Variants in MAP3K2 observed in about 807,000 individuals in gnomAD.
MAP3K2 encodes the protein mitogen-activated protein kinase kinase kinase 2.
A neutral mutation model predicts 80.3 loss-of-function variants in MAP3K2; 24 were observed. The ratio of observed to expected loss-of-function variants is 0.30; its 90% confidence interval spans 0.22 to 0.42. MAP3K2 has a LOEUF of 0.42. Among genes scored for constraint, MAP3K2 ranks in the 10% least tolerant of loss-of-function variants. The pLI is 1.00. For synonymous variants in MAP3K2, 244 were observed against 253.7 expected, an observed-to-expected ratio of 0.96 and a Z score of 0.36; for missense variants, 608 against 750.1, an observed-to-expected ratio of 0.81 and a Z score of 2.21.
chr2:127,378,688 G>A (rs1687191088), intron 1 of MAP3K2, among the ~76,000 whole-genome samples: 1 of 152,086 alleles, frequency 6.6e-6, no homozygotes. Flanking sequence ...AAGACTAGGA[G>A]GAAAAAATCA....
intron 1 of MAP3K2, among the ~76,000 whole-genome samples, chr2:127,349,562 A>G (rs894510316): frequency 2.0e-5 from 3 of 152,198 alleles, no homozygotes; most frequent in Non-Finnish European, 4.4e-5. Context: ...ATATAAGACT[A>G]AATTTTAAAC....
chr2:127,323,828 TA>T, intron 11 of MAP3K2, 73 bp downstream of exon 11: 1 of 662,372 alleles, frequency 1.5e-6, no homozygotes, highest in Non-Finnish European at 2.4e-6. Context: ...TATGAGGTTT[TA>T]AAAAATTTTT....
At chr2:127,369,202 G>A (rs12989154) in intron 1 of MAP3K2, among the ~76,000 whole-genome samples, 1 of 149,190 alleles carries the variant, frequency 6.7e-6, no homozygotes, top group Non-Finnish European at 1.5e-5. Flanking sequence ...TGCCCGCCTC[G>A]GCCTCCCAAA....
chr2:127,314,756 T>C lies in MAP3K2; in HGVS notation c.1454A>G (p.Lys485Arg), dbSNP rs376670526. 15 of 1,602,132 alleles carry C rather than the reference T, an allele frequency of 9.4e-6. No individual in the cohort carries two copies. Among genetic ancestry groups the C allele is most frequent in the Admixed American group, 3.4e-5 (2 of 58,080 alleles). The change falls in exon 15 of 17, where the codon AAA becomes AGA. Residue 485 changes from lysine (K) to arginine (R), a missense_variant and splice_region_variant. This residue lies in a region of MAP3K2 where 88 missense variants were observed against 132.4 expected (regional missense o/e 0.66). Transcript: ENST00000682094. ...ATAGAAAATACCTCATTACTTACCT[T>C]TGATATCTCTATGGACAATCATATT... ...HSNMIVHRDI[K>R]GANILRDSTG...
chr2:127,369,954 G>A (rs1259664503), intron 1 of MAP3K2, among the ~76,000 whole-genome samples: 1 of 152,188 alleles, frequency 6.6e-6, no homozygotes, highest in South Asian at 2.1e-4. Context: ...TTTTACAAAA[G>A]CTTCGGAAAA....
intron 1 of MAP3K2, among the ~76,000 whole-genome samples, chr2:127,344,967 A>G (rs761638350): frequency 3.0e-4 from 45 of 152,224 alleles, no homozygotes; most frequent in Non-Finnish European, 5.0e-4. Context: ...AGGCTCAAGC[A>G]ATCCTCCCAC....
chr2:127,379,399 T>C (rs1687210964), intron 1 of MAP3K2, among the ~76,000 whole-genome samples: 1 of 152,222 alleles, frequency 6.6e-6, no homozygotes, highest in South Asian at 2.1e-4. Context: ...TTAGACACTA[T>C]ACCCCAATTT....
chr2:127,340,745 T>TG (rs1686463603), intron 2 of MAP3K2, among the ~76,000 whole-genome samples: 1 of 151,902 alleles, frequency 6.6e-6, no homozygotes, highest in Non-Finnish European at 1.5e-5. Context: ...TTTGTAGAGA[T>TG]GGGGGTCTCA....
At chr2:127,313,567 C>T (rs377211658) in intron 15 of MAP3K2, among the ~76,000 whole-genome samples, 17 of 152,088 alleles carry the variant, frequency 1.1e-4, no homozygotes, top group African/African-American at 3.6e-4. Context: ...CCTGGGAGCT[C>T]GTAAGAGTCC....
At chr2:127,388,032 G>A (rs1438493038), upstream of MAP3K2, 1 of 983,102 alleles carries the variant, frequency 1.0e-6, no homozygotes, top group Non-Finnish European at 1.2e-6. Context: ...GCACCCCTCC[G>A]CCCGGCGGTA....
At chr2:127,345,273 T>C (rs115617617) in intron 1 of MAP3K2, among the ~76,000 whole-genome samples, 4,881 of 152,288 alleles carry the variant, frequency 0.032, 121 homozygotes, top group Middle Eastern at 0.061. Flanking sequence ...GACACAAAAA[T>C]TGTTGTGACA....
intron 1 of MAP3K2, among the ~76,000 whole-genome samples, chr2:127,381,847 A>T (rs1249993419): frequency 6.6e-6 from 1 of 151,348 alleles, no homozygotes; most frequent in Non-Finnish European, 1.5e-5. Flanking sequence ...AAACTAATCG[A>T]CCCTTTAAAT....
rs538380488 is a variant in MAP3K2, at chr2:127,355,022, C to A, written c.-65-11828G>T. Among the ~76,000 whole-genome samples the A allele has an allele frequency of 1.0e-3, 154 of 152,056 alleles. 2 individuals are homozygous for A. The highest frequency in any genetic ancestry group is 7.9e-4 in the Non-Finnish European group (54 of 67,960). ...GATGACAAAAAATAAAACCAATAAA[C>A]AACTACAAAAAATGAACAGAGCATA... is the stretch of plus-strand genomic sequence containing the variant. On this transcript the variant is annotated intron_variant, in intron 1 of 16. Transcript: ENST00000682094.
rs566934676 is a variant in MAP3K2, at chr2:127,364,952, AC to A, written c.-65-21759del. Among the ~76,000 whole-genome samples, 185 of 151,834 alleles carry A rather than the reference AC, an allele frequency of 1.2e-3. 1 individual carries two copies. The highest frequency in any genetic ancestry group is 2.2e-3 in the Admixed American group (33 of 15,236). ...AGACCGGCCTGGCCAACATGGCAAA[AC>A]CCTGTCTCTACTAAAACTACAAAAA... is the stretch of plus-strand genomic sequence containing the variant. On this transcript the variant is annotated intron_variant, in intron 1 of 16. Coordinates refer to ENST00000682094, the MANE Select transcript of MAP3K2 (RefSeq NM_001371910.2). This position sits in a 1 kb window ranked among gnomAD's most constrained non-coding sequence, Gnocchi z 4.1.
In MAP3K2 at chr2:127,359,071, A is replaced by G. The variant is rs1454631357; in HGVS notation, c.-65-15877T>C. On this transcript the variant is annotated intron_variant, in intron 1 of 16. Transcript: ENST00000682094. Reference sequence around the variant, plus strand: ...GGGATGAACAGGTGGACCACAGAGGATTTTTAGGGCAGTGAAATCATTCTG... The same window carrying G: ...GGGATGAACAGGTGGACCACAGAGGGTTTTTAGGGCAGTGAAATCATTCTG... Among the ~76,000 whole-genome samples, 3 of 152,168 alleles carry G rather than the reference A, an allele frequency of 2.0e-5. No homozygotes were observed. The East Asian group carries it at 5.8e-4, about 29-fold the overall frequency.
In MAP3K2 at chr2:127,378,987, T is replaced by G. The variant is rs867645705; in HGVS notation, c.-66+8465A>C. Among the ~76,000 whole-genome samples the G allele has an allele frequency of 2.1e-3, 309 of 144,614 alleles. 2 individuals are homozygous for G. The highest frequency in any genetic ancestry group is 7.0e-3 in the African/African-American group (276 of 39,314). 94.9% of individuals were successfully genotyped at this position (144,614 alleles called of 152,430 possible). ...TTTTGTGGGGTTTTTTGTTGTTTTT[T>G]TTTTTTTTTTTTTTTGGAGAGACAG... On this transcript the variant is annotated intron_variant, in intron 1 of 16. Coordinates refer to ENST00000682094, the MANE Select transcript of MAP3K2 (RefSeq NM_001371910.2).
chr2:127,378,832 T>C (rs145007105), intron 1 of MAP3K2, among the ~76,000 whole-genome samples: 4 of 152,262 alleles, frequency 2.6e-5, no homozygotes, highest in Admixed American at 1.3e-4. Context: ...AGCGGCATGA[T>C]CACTCCTCAC....
chr2:127,353,487 G>A (rs1686738160), intron 1 of MAP3K2, among the ~76,000 whole-genome samples: 1 of 151,958 alleles, frequency 6.6e-6, no homozygotes, highest in Non-Finnish European at 1.5e-5. Flanking sequence ...GAGAAGTGAG[G>A]AGCCCCTCCG....
chr2:127,373,704 G>C (rs568737051), intron 1 of MAP3K2, among the ~76,000 whole-genome samples: 27 of 152,272 alleles, frequency 1.8e-4, no homozygotes, highest in Middle Eastern at 3.4e-3. Flanking sequence ...GATGGGCCCA[G>C]AGCTATGCTT....
Sources: allele counts gnomAD v4.1 joint callset (sites outside exome capture counted in the v4.1 genomes callset), GRCh38; gene constraint gnomAD v4.1.1; regional missense constraint gnomAD v4.1.1; non-coding constraint Gnocchi (gnomAD v3.1); transcripts MANE v1.5; gene names NCBI Gene and HGNC (gene_info 2026-07-23, HGNC 2026-07-21).